The following FREM2 variants were observed in gnomAD, a reference collection of about 807,000 sequenced individuals.
FREM2 encodes FRAS1 related extracellular matrix 2.
A neutral mutation model predicts 219.9 loss-of-function variants in FREM2; 119 were observed. The ratio of observed to expected loss-of-function variants is 0.54; its 90% CI spans 0.47 to 0.63. FREM2 has a LOEUF of 0.63. FREM2 is among the 30% of genes least tolerant of loss of function. FREM2 has a pLI of 0.00. For missense variants in FREM2, 4,030 were observed against 3,993.6 expected (o/e 1.01, Z -0.25); for synonymous variants, 1,562 against 1,522.8 (o/e 1.03, Z -0.60).
intron 18 of FREM2, 141 bp downstream of exon 18, chr13:38,874,727 G>A: frequency 1.4e-6 from 1 of 732,216 alleles, no homozygotes; most frequent in Non-Finnish European, 2.5e-6. Flanking sequence ...TTATCTCCAT[G>A]AGAGCTTGAT....
rs1455500614 is a variant in FREM2, at chr13:38,864,439, A to G, written c.7816A>G (p.Ile2606Val). The G allele has an allele frequency of 6.2e-7, 1 of 1,614,148 alleles. No homozygotes were observed. The highest frequency in any genetic ancestry group is 2.2e-5 in the East Asian group (1 of 44,876). ...TGATGCTACCAAAAATCCAGAAATA[A>G]TTGGAGAGACATATCCTTACCAGTA... ...LTDATKNPEI[I>V]GETYPYQYSL... Residue 2606 changes from isoleucine to valine, a missense_variant, in exon 16 of 24, where the codon ATT (isoleucine) becomes GTT (valine). Around this residue, in one of 2 missense-constraint regions of FREM2, gnomAD observed 928 missense variants for 1,042.9 expected, o/e 0.89. Coordinates refer to ENST00000280481, the MANE Select transcript of FREM2 (RefSeq NM_207361.6).
At position 38,690,601 on chromosome 13, in the gene FREM2, C is replaced by G; in HGVS notation, c.3257C>G (p.Thr1086Arg). The G allele has an allele frequency of 6.2e-7, 1 of 1,614,050 alleles. No homozygotes were observed. Among genetic ancestry groups the G allele is most frequent in the Non-Finnish European group, 8.5e-7 (1 of 1,180,040 alleles). ...ATGGAAGGTGATAAAAGTGTTATAA[C>G]ATCAGTGCATATAAGTGCTGAAGAT... ...IVMEGDKSVI[T>R]SVHISAEDVD... is the part of the protein sequence containing the mutation. Residue 1086 changes from threonine to arginine, a missense_variant, in exon 1 of 24, where the codon ACA becomes AGA. Coordinates refer to ENST00000280481, the MANE Select transcript of FREM2 (RefSeq NM_207361.6).
intron 2 of FREM2, among the ~76,000 whole-genome samples, chr13:38,727,623 T>A (rs1224744789): frequency 6.6e-6 from 1 of 152,252 alleles, no homozygotes; most frequent in Non-Finnish European, 1.5e-5. Context: ...ATTGAGTGCC[T>A]GGCATAGCAC....
intron 6 of FREM2, among the ~76,000 whole-genome samples, chr13:38,799,192 A>AT (rs942807532): frequency 6.6e-6 from 1 of 151,538 alleles, no homozygotes. Flanking sequence ...GTTTCAAGAA[A>AT]TTTTTTTTCT....
At chr13:38,768,492 G>T (rs1369543283) in intron 3 of FREM2, among the ~76,000 whole-genome samples, 1 of 151,984 alleles carries the variant, frequency 6.6e-6, no homozygotes, top group East Asian at 1.9e-4. Context: ...TCCCAGGATG[G>T]TCTGGAACTC....
intron 2 of FREM2, among the ~76,000 whole-genome samples, chr13:38,702,785 G>GCAGT (rs541914828): frequency 2.9e-3 from 448 of 152,226 alleles, no homozygotes; most frequent in African/African-American, 0.01. Context: ...ACATAGGCAT[G>GCAGT]CAGTCTCAGT....
At chr13:38,806,499 TAAAACTTATGCTTAC>T (rs1272742548) in intron 6 of FREM2, among the ~76,000 whole-genome samples, 1 of 151,990 alleles carries the variant, frequency 6.6e-6, no homozygotes, top group Non-Finnish European at 1.5e-5. Flanking sequence ...CCCCGGCATG[TAAAACTTATGCTTAC>T]AGTATGCAAT....
intron 3 of FREM2, among the ~76,000 whole-genome samples, chr13:38,767,416 G>T (rs1049417006): frequency 6.6e-6 from 1 of 152,170 alleles, no homozygotes; most frequent in Non-Finnish European, 1.5e-5. Context: ...TGACTATCGT[G>T]CAGGAAGGAG....
chr13:38,796,589 A>G (rs933797229), intron 6 of FREM2, among the ~76,000 whole-genome samples: 1 of 152,114 alleles, frequency 6.6e-6, no homozygotes, highest in Admixed American at 6.6e-5. Context: ...TGCCATGTCC[A>G]TATTTCAGTT....
At chr13:38,878,402 G>GGCC in intron 22 of FREM2, 81 bp downstream of exon 22, 1 of 891,144 alleles carries the variant, frequency 1.1e-6, no homozygotes, top group Non-Finnish European at 1.8e-6. Context: ...AAACAAGGCT[G>GGCC]GGCACAGTGG....
intron 2 of FREM2, among the ~76,000 whole-genome samples, chr13:38,721,032 G>GA (rs1242210937): frequency 6.6e-6 from 1 of 152,110 alleles, no homozygotes; most frequent in Non-Finnish European, 1.5e-5. Flanking sequence ...GGAGCATCAG[G>GA]AAAAATAGCT....
intron 4 of FREM2, among the ~76,000 whole-genome samples, chr13:38,779,990 T>C (rs1358801747): frequency 1.3e-5 from 2 of 152,204 alleles, no homozygotes; most frequent in African/African-American, 4.8e-5. Flanking sequence ...AAGTGCCCCA[T>C]GGTGAATCCC....
intron 2 of FREM2, among the ~76,000 whole-genome samples, chr13:38,763,481 C>G (rs55864343): frequency 0.73 from 73,230 of 100,622 alleles, 23,828 homozygotes; most frequent in Non-Finnish European, 0.78. Context: ...TTTTTTTACA[C>G]CCTCTTTCAG....
At chr13:38,821,029 A>G (rs774304137) in intron 6 of FREM2, among the ~76,000 whole-genome samples, 11 of 152,164 alleles carry the variant, frequency 7.2e-5, no homozygotes, top group Non-Finnish European at 1.6e-4. Flanking sequence ...TGGTCACTGT[A>G]GAGATGTGAA....
Position 38,854,038 on chromosome 13 carries a change from T to C in FREM2, c.6926-2088T>C, listed in dbSNP as rs549872161. On this transcript the variant is annotated intron_variant, in intron 11 of 23. Transcript: ENST00000280481. ...GTCAACATGTGTTTTATAATGTTTATATTAAAAATTTAAGGAATAGTTTTC... is the reference window on the plus strand; with the variant it reads ...GTCAACATGTGTTTTATAATGTTTACATTAAAAATTTAAGGAATAGTTTTC... Among the ~76,000 whole-genome samples the C allele has an allele frequency of 6.0e-4, 91 of 151,846 alleles. No homozygotes were observed. In the East Asian group the frequency reaches 0.017, roughly 29 times the overall value.
chr13:38,883,381 C>A lies in FREM2; in HGVS notation c.*2594C>A, dbSNP rs1237257895. On this transcript the variant is annotated 3_prime_UTR_variant, in exon 24 of 24. Transcript: ENST00000280481. ...GAGAACTATTCTGGTACTATCAGAA[C>A]AAATACATAAAATAACTTCCCATAG... 2 of 152,004 alleles carry A rather than the reference C, an allele frequency of 1.3e-5. No homozygotes were observed. The highest frequency in any genetic ancestry group is 1.5e-5 in the Non-Finnish European group (1 of 67,974). 9.4% of individuals were successfully genotyped at this position (152,004 alleles called of 1,614,324 possible). A position where few individuals can be genotyped will look rare whatever the true frequency, so the allele number is the denominator to read the frequency against.
Position 38,864,482 on chromosome 13 carries a change from G to C in FREM2, c.7859G>C (p.Gly2620Ala). 1.2e-6 allele frequency: 2 copies of C among 1,614,180 alleles called. No homozygotes were observed. Residue 2620 changes from glycine to alanine, a missense_variant, in exon 16 of 24, where the codon GGT (glycine) becomes GCT (alanine). Physicochemically the swap from Gly to Ala is moderately conservative, Grantham distance 60 (BLOSUM62 0). This residue lies in a region of FREM2 where 928 missense variants were observed against 1,042.9 expected (regional missense o/e 0.89). Transcript: ENST00000280481. ...YPYQYSLSIR[G>A]STTLRFYRNL... ...TACCAGTACAGCTTGTCCATCAGAG[G>C]TTCCACTACCTTGCGCTTCTACCGG... is the stretch of plus-strand genomic sequence containing the variant.
Position 38,691,976 on chromosome 13 carries a change from T to A in FREM2, c.4632T>A (p.Ser1544Arg), listed in dbSNP as rs146140915. ...TCACCATCCACAAGCTGGTTGTCAG[T>A]GAAAGTGAAAACAAGCTGATTACTC... The part of the protein sequence containing the change: ...PVVTIHKLVV[S>R]ESENKLITPF... Residue 1544 changes from serine to arginine, a missense_variant, in exon 1 of 24, where the codon AGT becomes AGA. By Grantham distance (110) the Ser-to-Arg change is moderately radical. Coordinates refer to ENST00000280481, the MANE Select transcript of FREM2 (RefSeq NM_207361.6). 6.2e-7 allele frequency: 1 copy of A among 1,614,206 alleles called. No homozygotes were observed. Among genetic ancestry groups the A allele is most frequent in the Non-Finnish European group, 8.5e-7 (1 of 1,180,036 alleles).
rs1877762076 is a variant in FREM2, at chr13:38,861,530, T to C, written c.7619T>C (p.Ile2540Thr). 1 of 1,612,798 alleles carries C rather than the reference T, an allele frequency of 6.2e-7. No individual in the cohort carries two copies. Among genetic ancestry groups the C allele is most frequent in the Non-Finnish European group, 8.5e-7 (1 of 1,179,194 alleles). Residue 2540 changes from isoleucine to threonine, a missense_variant, in exon 15 of 24, where the codon ATC (isoleucine) becomes ACC (threonine). Around this residue, in one of 2 missense-constraint regions of FREM2, gnomAD observed 928 missense variants for 1,042.9 expected, o/e 0.89. Coordinates refer to ENST00000280481, the MANE Select transcript of FREM2 (RefSeq NM_207361.6). ...GAGGATGCAGACTACACAAACCTTA[T>C]CAAGCTCACTGTCACAATGCCACAC... The part of the protein sequence containing the change: ...GPEDADYTNL[I>T]KLTVTMPHID...
Sources: allele counts gnomAD v4.1 joint callset (sites outside exome capture counted in the v4.1 genomes callset), GRCh38; gene constraint gnomAD v4.1.1; regional missense constraint gnomAD v4.1.1; transcripts MANE v1.5; gene names NCBI Gene and HGNC (gene_info 2026-07-23, HGNC 2026-07-21).